DNAJC3: variants seen among roughly 807,000 people sequenced by gnomAD.
DNAJC3 encodes DnaJ heat shock protein family (Hsp40) member C3.
DNAJC3 carries 38 observed loss-of-function variants against 68.6 expected under a neutral mutation model. The observed-to-expected ratio is 0.55, with a 90% CI of 0.43 to 0.73. The LOEUF (loss-of-function observed/expected upper bound fraction) is 0.73. Ranked by LOEUF, DNAJC3 falls within the 30% of genes least tolerant of loss-of-function variation. The pLI is 0.00. For missense variants in DNAJC3, 526 were observed against 591.9 expected, an observed-to-expected ratio of 0.89 and a Z score of 1.16; for synonymous variants, 203 against 204.0, an observed-to-expected ratio of 1.00 and a Z score of 0.04.
chr13:95,786,690 T>C (rs1331686134), intron 10 of DNAJC3, among the ~76,000 whole-genome samples: 2 of 152,162 alleles, frequency 1.3e-5, no homozygotes, highest in Non-Finnish European at 2.9e-5. Context: ...ATACCAAGAA[T>C]TGAATTATGG....
At chr13:95,739,871 A>G (rs7327317) in intron 4 of DNAJC3, among the ~76,000 whole-genome samples, 2,599 of 152,280 alleles carry the variant, frequency 0.017, 83 homozygotes, top group African/African-American at 0.06. Flanking sequence ...GCGTTCCTTT[A>G]GAGGAGGAGA....
In DNAJC3 at chr13:95,785,922, T is replaced by TA; in HGVS notation, c.1076-14dup. 2.5e-6 allele frequency: 4 copies of TA among 1,570,670 alleles called. No homozygotes were observed. The highest frequency in any genetic ancestry group is 3.4e-6 in the Non-Finnish European group (4 of 1,164,946). On this transcript the variant is annotated splice_polypyrimidine_tract_variant and intron_variant, in intron 9 of 11. Transcript: ENST00000602402. ...ATAATTTGCCTTAACAATATTATCT[T>TA]AAACATATTTTGACAGCTATTCAGG... is the stretch of plus-strand genomic sequence containing the variant.
chr13:95,677,168 C>G lies in DNAJC3; in HGVS notation c.-88C>G. On this transcript the variant is annotated 5_prime_UTR_variant, in exon 1 of 12. Coordinates refer to ENST00000602402, the MANE Select transcript of DNAJC3 (RefSeq NM_006260.5). ...CCACTGAGGCCTGAGCGAGAGCCGA[C>G]GGCGGGCGGGCGCAGCTGCTGCCGG... 2 of 1,277,338 alleles carry G rather than the reference C, an allele frequency of 1.6e-6. No individual in the cohort carries two copies. Among genetic ancestry groups the G allele is most frequent in the Non-Finnish European group, 2.2e-6 (2 of 926,230 alleles). 79.1% of individuals were successfully genotyped at this position (1,277,338 alleles called of 1,614,324 possible). A position where few individuals can be genotyped will look rare whatever the true frequency, so the allele number is the denominator to read the frequency against.
intron 2 of DNAJC3, among the ~76,000 whole-genome samples, chr13:95,711,276 T>A (rs1880950848): frequency 6.6e-6 from 1 of 152,160 alleles, no homozygotes; most frequent in African/African-American, 2.4e-5. Flanking sequence ...AGGTGGTGGA[T>A]CACTTGAGGT....
intron 1 of DNAJC3, among the ~76,000 whole-genome samples, chr13:95,690,945 G>C (rs112553729): frequency 2.5e-5 from 3 of 117,810 alleles, no homozygotes; most frequent in Non-Finnish European, 3.6e-5. Context: ...CCTCCCGGAC[G>C]GGGCGGCTGG....
At chr13:95,738,933 T>C (rs932428471) in intron 4 of DNAJC3, among the ~76,000 whole-genome samples, 1 of 152,180 alleles carries the variant, frequency 6.6e-6, no homozygotes, top group Non-Finnish European at 1.5e-5. Context: ...GGTCTTTACA[T>C]TTTGGCATGA....
intron 5 of DNAJC3, among the ~76,000 whole-genome samples, chr13:95,758,242 C>T (rs2139673388): frequency 6.6e-6 from 1 of 152,150 alleles, no homozygotes; most frequent in African/African-American, 2.4e-5. Context: ...GGAGCTGAGG[C>T]TGGAGGATCA....
intron 4 of DNAJC3, among the ~76,000 whole-genome samples, chr13:95,728,525 CTTT>C (rs1318841498): frequency 6.6e-6 from 1 of 151,956 alleles, no homozygotes; most frequent in Non-Finnish European, 1.5e-5. Flanking sequence ...GGCTTGTTTG[CTTT>C]TTTATTGTTG....
chr13:95,684,799 T>C (rs1202762626), intron 1 of DNAJC3, among the ~76,000 whole-genome samples: 1 of 152,214 alleles, frequency 6.6e-6, no homozygotes, highest in African/African-American at 2.4e-5. Context: ...GGCCCAGATA[T>C]AGCTCAGGCC....
At chr13:95,772,203 G>A (rs1268924555) in intron 9 of DNAJC3, among the ~76,000 whole-genome samples, 1 of 152,130 alleles carries the variant, frequency 6.6e-6, no homozygotes, top group Non-Finnish European at 1.5e-5. Flanking sequence ...CTATAAAAAA[G>A]CAGAAAAGCA....
intron 4 of DNAJC3, among the ~76,000 whole-genome samples, chr13:95,751,322 G>C (rs1173780169): frequency 6.6e-6 from 1 of 152,202 alleles, no homozygotes; most frequent in African/African-American, 2.4e-5. Context: ...TGTGCAAGAT[G>C]AACAATACAG....
chr13:95,733,222 A>G (rs1881772469), intron 4 of DNAJC3, among the ~76,000 whole-genome samples: 1 of 152,102 alleles, frequency 6.6e-6, no homozygotes, highest in Non-Finnish European at 1.5e-5. Context: ...TAATGCTGAG[A>G]GTGGGGTATT....
At chr13:95,718,475 C>T (rs1881220850) in intron 2 of DNAJC3, among the ~76,000 whole-genome samples, 1 of 152,224 alleles carries the variant, frequency 6.6e-6, no homozygotes, top group Non-Finnish European at 1.5e-5. Context: ...GATCTCAGCT[C>T]GCTGCAACCT....
chr13:95,677,398 C>A, intron 1 of DNAJC3, 61 bp downstream of exon 1: 1 of 1,492,564 alleles, frequency 6.7e-7, no homozygotes, highest in Non-Finnish European at 9.0e-7. Flanking sequence ...CCGCGCTTTC[C>A]CGTCTGCGCC....
chr13:95,791,021 CT>C lies in DNAJC3; in HGVS notation c.1508del (p.Phe503SerfsTer39), dbSNP rs1358334476. On this transcript the variant is annotated frameshift_variant, in exon 12 of 12. Transcript: ENST00000602402. LOFTEE classifies it high-confidence loss of function. ...SGGPFRFKFH[F>X]N ...GCGGACCATTTAGATTTAAATTCCA[CT>C]TCAATTAAACCAACTGTTTTTCTGC... 7 of 1,613,576 alleles carry C rather than the reference CT, an allele frequency of 4.3e-6. No individual in the cohort carries two copies. The Admixed American group carries it at 1.2e-4, about 27-fold the overall frequency.
In DNAJC3 at chr13:95,763,960, C is replaced by CT; in HGVS notation, c.1075+10dup. On this transcript the variant is annotated splice_region_variant and intron_variant, in intron 9 of 11. Transcript: ENST00000602402. Reference sequence around the variant, plus strand: ...GAGGAAATGTATGATGAAGGTAAATCTTTAAGGATTTGATTTGCAGTACCG... The same window carrying CT: ...GAGGAAATGTATGATGAAGGTAAATCTTTTAAGGATTTGATTTGCAGTACCG... 1.2e-6 allele frequency: 2 copies of CT among 1,613,268 alleles called. No homozygotes were observed. The highest frequency in any genetic ancestry group is 1.7e-6 in the Non-Finnish European group (2 of 1,179,700).
At chr13:95,691,005 C>T (rs1880232790) in intron 1 of DNAJC3, among the ~76,000 whole-genome samples, 1 of 142,034 alleles carries the variant, frequency 7.0e-6, no homozygotes, top group Non-Finnish European at 1.5e-5. Flanking sequence ...GGGTGGCTGG[C>T]CGGGCGGGGG....
intron 1 of DNAJC3, among the ~76,000 whole-genome samples, chr13:95,698,328 T>C (rs1880501713): frequency 6.6e-6 from 1 of 152,172 alleles, no homozygotes. Context: ...CACTGTGTTG[T>C]TTCAGGTGAT....
intron 4 of DNAJC3, chr13:95,745,834 A>G (rs1882288521): frequency 6.6e-6 from 1 of 152,340 alleles, no homozygotes; most frequent in Non-Finnish European, 1.5e-5. Flanking sequence ...CACTTTGAAG[A>G]AAAAAGAAAA....
Sources: allele counts gnomAD v4.1 joint callset (sites outside exome capture counted in the v4.1 genomes callset), GRCh38; gene constraint gnomAD v4.1.1; transcripts MANE v1.5; gene names NCBI Gene and HGNC (gene_info 2026-07-23, HGNC 2026-07-21).